The following S100PBP variants were observed in gnomAD, a reference collection of about 807,000 sequenced individuals.
S100PBP encodes S100P-binding protein.
In S100PBP, 15 loss-of-function variants were observed where a neutral mutation model predicts 39.9. The observed-to-expected ratio is 0.38, with a 90% CI of 0.25 to 0.58. The LOEUF is 0.58. Among genes scored for constraint, S100PBP ranks in the 20% least tolerant of loss-of-function variants. The pLI is 0.70. For missense variants in S100PBP, 504 were observed against 487.3 expected (o/e 1.03, Z -0.32); for synonymous variants, 178 against 180.3 (o/e 0.99, Z 0.10).
intron 5 of S100PBP, chr1:32,836,675 T>G: frequency 1.5e-6 from 1 of 676,378 alleles, no homozygotes; most frequent in Non-Finnish European, 1.8e-6. Context: ...TGCTCCAATT[T>G]GCACTGCTTG....
At chr1:32,817,340 C>T, upstream of S100PBP, 1 of 1,524,222 alleles carries the variant, frequency 6.6e-7, no homozygotes. Flanking sequence ...CACGCGAGTC[C>T]AGCCAGGTTG....
At chr1:32,836,621 A>ATT in intron 5 of S100PBP, 4 of 909,620 alleles carry the variant, frequency 4.4e-6, no homozygotes, top group Non-Finnish European at 5.2e-6. Flanking sequence ...CTTTCATTAA[A>ATT]TTTTTTTTTT....
At chr1:32,837,724 G>A (rs1569891162) in intron 5 of S100PBP, among the ~76,000 whole-genome samples, 1 of 151,822 alleles carries the variant, frequency 6.6e-6, no homozygotes, top group East Asian at 2.0e-4. Flanking sequence ...ATTTTCTAAA[G>A]TTTTATGTGA....
At chr1:32,827,408 C>G (rs1454899879) in intron 3 of S100PBP, among the ~76,000 whole-genome samples, 1 of 152,126 alleles carries the variant, frequency 6.6e-6, no homozygotes, top group Non-Finnish European at 1.5e-5. Context: ...GCTGAAAAAT[C>G]TTGGGCAATT....
intron 2 of S100PBP, among the ~76,000 whole-genome samples, chr1:32,825,804 G>A (rs181929307): frequency 2.0e-4 from 31 of 152,246 alleles, no homozygotes; most frequent in Middle Eastern, 6.8e-3. Context: ...ACAAAATATC[G>A]TACTGACTTA....
intron 5 of S100PBP, among the ~76,000 whole-genome samples, chr1:32,844,644 A>G (rs1459809315): frequency 2.6e-5 from 4 of 151,442 alleles, no homozygotes; most frequent in African/African-American, 9.7e-5. Context: ...CTAATTTTTA[A>G]ATTTTTTTGT....
intron 5 of S100PBP, chr1:32,847,596 C>T (rs1330374585): frequency 6.6e-6 from 1 of 152,112 alleles, no homozygotes; most frequent in African/African-American, 2.4e-5. Flanking sequence ...ATATATCATT[C>T]AGTATCCCCT....
chr1:32,843,511 C>T (rs934351195), intron 5 of S100PBP, among the ~76,000 whole-genome samples: 8 of 151,854 alleles, frequency 5.3e-5, no homozygotes, highest in South Asian at 2.1e-4. Flanking sequence ...GGCTGGAGTG[C>T]GATGGCACAA....
intron 6 of S100PBP, among the ~76,000 whole-genome samples, chr1:32,854,067 C>T (rs1369582905): frequency 9.2e-5 from 14 of 152,050 alleles, no homozygotes; most frequent in Non-Finnish European, 1.5e-5. Flanking sequence ...TGCAGTGTGG[C>T]TGTACAAATT....
intron 5 of S100PBP, among the ~76,000 whole-genome samples, chr1:32,839,661 C>T (rs1299141448): frequency 6.6e-6 from 1 of 152,160 alleles, no homozygotes; most frequent in Non-Finnish European, 1.5e-5. Flanking sequence ...CAGGTGCACA[C>T]CACCATGCCT....
chr1:32,835,693 T>C (rs959783189), intron 5 of S100PBP: 1 of 152,186 alleles, frequency 6.6e-6, no homozygotes, highest in Non-Finnish European at 1.5e-5. Context: ...TTTAGTATAA[T>C]GTCTTCAAGA....
chr1:32,853,085 CG>C lies in S100PBP; in HGVS notation c.1036del (p.Glu346SerfsTer5). On this transcript the variant is annotated frameshift_variant, in exon 6 of 7. Coordinates refer to ENST00000373475, the MANE Select transcript of S100PBP (RefSeq NM_022753.4). LOFTEE classifies it high-confidence loss of function. ...EDPEDTNQGISGELCALMDQV... is the reference protein window; with the variant it reads ...EDPEDTNQGIXGELCALMDQV... ...TGATCCCTCTGTATCACAGGTATCT[CG>C]GGGGAGCTTTGTGCCTTGATGGATC... is the stretch of plus-strand genomic sequence containing the variant. The C allele has an allele frequency of 6.2e-7, 1 of 1,612,220 alleles. No individual in the cohort carries two copies.
intron 5 of S100PBP, among the ~76,000 whole-genome samples, chr1:32,843,397 G>T (rs886914584): frequency 1.3e-5 from 2 of 151,844 alleles, no homozygotes; most frequent in African/African-American, 4.8e-5. Flanking sequence ...CGTGATCTCA[G>T]CTCACTGCAA....
rs71516336 is a variant in S100PBP at position 32,842,204 on chromosome 1, C to T, written c.1025-10875C>T. On this transcript the variant is annotated intron_variant, in intron 5 of 6. Transcript: ENST00000373475. ...TCAAAAAAAAAAAAAAAAAAAAAAA[C>T]ATATATATATATATATGTATATATA... Among the ~76,000 whole-genome samples the T allele has an allele frequency of 7.2e-3, 404 of 55,818 alleles. 1 individual carries two copies. Among genetic ancestry groups the T allele is most frequent in the African/African-American group, 0.021 (302 of 14,210 alleles). The allele number at this position is 55,818 out of a possible 152,430, so 36.6% of individuals were successfully genotyped here.
intron 5 of S100PBP, chr1:32,835,719 A>G (rs190237851): frequency 6.6e-6 from 1 of 152,076 alleles, no homozygotes; most frequent in Non-Finnish European, 1.5e-5. Context: ...CCATTGTGGC[A>G]TGTGACAGGA....
rs1188476457 is a variant in S100PBP, at chr1:32,858,862, T to C, written c.*2824T>C. 6.6e-6 allele frequency: 1 copy of C among 152,070 alleles called. No individual in the cohort carries two copies. Among genetic ancestry groups the C allele is most frequent in the Non-Finnish European group, 1.5e-5 (1 of 68,018 alleles). 9.4% of individuals were successfully genotyped at this position (152,070 alleles called of 1,614,324 possible). A position where few individuals can be genotyped will look rare whatever the true frequency, so the allele number is the denominator to read the frequency against. On this transcript the variant is annotated 3_prime_UTR_variant, in exon 7 of 7. Transcript: ENST00000373475. ...TAATGTCATTAAAAAGAAATAAAAGTTCTTTGTCAGTGACATATGTACTGT... is the reference window on the plus strand; with the variant it reads ...TAATGTCATTAAAAAGAAATAAAAGCTCTTTGTCAGTGACATATGTACTGT...
At chr1:32,832,885 A>G (rs2148657474) in intron 5 of S100PBP, among the ~76,000 whole-genome samples, 1 of 152,288 alleles carries the variant, frequency 6.6e-6, no homozygotes, top group Non-Finnish European at 1.5e-5. Context: ...CACTTTATCA[A>G]TAATGTATAT....
intron 5 of S100PBP, among the ~76,000 whole-genome samples, chr1:32,833,277 T>A (rs1474414900): frequency 6.6e-6 from 1 of 152,200 alleles, no homozygotes; most frequent in Non-Finnish European, 1.5e-5. Flanking sequence ...GAGTCAAACG[T>A]GGCTTCCCTA....
chr1:32,849,116 G>A (rs1444304254), intron 5 of S100PBP, among the ~76,000 whole-genome samples: 1 of 152,030 alleles, frequency 6.6e-6, no homozygotes, highest in Non-Finnish European at 1.5e-5. Flanking sequence ...TGATTTACTA[G>A]ATGATAGATG....
Sources: gnomAD v4.1 joint callset for allele counts (sites outside exome capture counted in the v4.1 genomes callset) on GRCh38, gnomAD v4.1.1 for gene constraint, MANE v1.5 for transcripts, NCBI Gene and HGNC (gene_info 2026-07-23, HGNC 2026-07-21) for gene names.